Variants in DSCAM observed in about 807,000 individuals in gnomAD.
DSCAM encodes cell adhesion molecule DSCAM.
In DSCAM, 47 loss-of-function variants were observed where a neutral mutation model predicts 217.7. The observed-to-expected ratio is 0.22, with a 90% confidence interval of 0.17 to 0.28. The LOEUF (loss-of-function observed/expected upper bound fraction) is 0.28. Ranked by LOEUF, DSCAM falls within the 10% of genes least tolerant of loss-of-function variation. The pLI, the probability that DSCAM is intolerant of heterozygous loss-of-function variation, is 1.00. For synonymous variants in DSCAM, 1,056 were observed against 1,015.3 expected (o/e 1.04, Z -0.76); for missense variants, 2,080 against 2,618.3 (o/e 0.79, Z 4.49).
Position 40,453,145 on chromosome 21 carries a change from A to G in DSCAM, c.509-83900T>C, listed in dbSNP as rs531514833. ...TGCAAACACACATAAGTAATATCAC[A>G]CACTTATGTGAATTACTGCATAAAA... is the stretch of plus-strand genomic sequence containing the variant. On this transcript the variant is annotated intron_variant, in intron 3 of 32. Transcript: ENST00000400454. Among the ~76,000 whole-genome samples the G allele has an allele frequency of 3.6e-3, 549 of 152,022 alleles. 3 individuals carry two copies. Among genetic ancestry groups the G allele is most frequent in the Middle Eastern group, 0.01 (3 of 294 alleles).
chr21:40,650,556 A>C (rs938031703), intron 3 of DSCAM, among the ~76,000 whole-genome samples: 2 of 152,248 alleles, frequency 1.3e-5, no homozygotes, highest in African/African-American at 4.8e-5. Flanking sequence ...ATAGAACAGA[A>C]AGGCAGAAGA....
At chr21:40,323,465 T>C (rs181149461) in intron 8 of DSCAM, among the ~76,000 whole-genome samples, 208 of 152,202 alleles carry the variant, frequency 1.4e-3, no homozygotes, top group Non-Finnish European at 1.9e-3. Flanking sequence ...TACCCCTCTA[T>C]ACATGATGAA....
At chr21:40,682,585 AAG>A (rs1555880003) in intron 3 of DSCAM, among the ~76,000 whole-genome samples, 2 of 98,320 alleles carry the variant, frequency 2.0e-5, no homozygotes, top group African/African-American at 4.1e-5. Context: ...AGAAGAGAGA[AAG>A]AGAGAGAGAA....
intron 21 of DSCAM, 149 bp downstream of exon 21, chr21:40,093,572 T>G: frequency 6.3e-6 from 6 of 949,934 alleles, no homozygotes; most frequent in Non-Finnish European, 6.3e-6. Context: ...GCTCAGAGCT[T>G]GTTAGCCACA....
intron 3 of DSCAM, among the ~76,000 whole-genome samples, chr21:40,568,753 T>C (rs1302393576): frequency 1.3e-5 from 2 of 152,220 alleles, no homozygotes; most frequent in Non-Finnish European, 2.9e-5. Context: ...TTTTAATGTC[T>C]GCCCTATAAG....
At chr21:40,769,781 G>C (rs531091369) in intron 1 of DSCAM, among the ~76,000 whole-genome samples, 1 of 152,204 alleles carries the variant, frequency 6.6e-6, no homozygotes, top group South Asian at 2.1e-4. Flanking sequence ...CTAACTATCT[G>C]ATCAGGTTTC....
At chr21:40,642,987 T>C (rs577971467) in intron 3 of DSCAM, among the ~76,000 whole-genome samples, 11 of 152,316 alleles carry the variant, frequency 7.2e-5, no homozygotes, top group African/African-American at 2.6e-4. Flanking sequence ...GGCTCTGGGA[T>C]ACATAGGCTG....
chr21:40,795,504 G>A (rs1470003006), intron 1 of DSCAM, among the ~76,000 whole-genome samples: 1 of 152,050 alleles, frequency 6.6e-6, no homozygotes, highest in African/African-American at 2.4e-5. Context: ...GCACTGCCTG[G>A]CAATTAGATA....
intron 1 of DSCAM, among the ~76,000 whole-genome samples, chr21:40,809,942 G>A (rs937174030): frequency 3.3e-5 from 5 of 152,182 alleles, no homozygotes; most frequent in African/African-American, 1.2e-4. Context: ...CAGTCTTCAG[G>A]AGAAAAATAT....
chr21:40,519,049 T>C (rs1346625882), intron 3 of DSCAM, among the ~76,000 whole-genome samples: 1 of 152,184 alleles, frequency 6.6e-6, no homozygotes, highest in African/African-American at 2.4e-5. Flanking sequence ...TGCGGTATTA[T>C]AATCTTATGG....
At chr21:40,834,603 G>C (rs2092041927) in intron 1 of DSCAM, among the ~76,000 whole-genome samples, 1 of 151,800 alleles carries the variant, frequency 6.6e-6, no homozygotes, top group Non-Finnish European at 1.5e-5. Flanking sequence ...AGACCTTTAG[G>C]GAGACACTTC....
chr21:40,304,766 G>A (rs982384795), intron 9 of DSCAM, among the ~76,000 whole-genome samples: 1 of 152,200 alleles, frequency 6.6e-6, no homozygotes, highest in African/African-American at 2.4e-5. Context: ...AAATAGGGAA[G>A]CTGAGAAATG....
intron 19 of DSCAM, among the ~76,000 whole-genome samples, chr21:40,129,049 A>G (rs1414359103): frequency 5.3e-5 from 8 of 152,322 alleles, no homozygotes; most frequent in East Asian, 3.9e-4. Flanking sequence ...AAACACCCAC[A>G]CAGACACCGC....
chr21:40,155,806 G>C (rs1166035262), intron 16 of DSCAM, among the ~76,000 whole-genome samples: 2 of 152,074 alleles, frequency 1.3e-5, no homozygotes, highest in African/African-American at 4.8e-5. Context: ...CAAACCACTG[G>C]GTCTGCATGC....
In DSCAM at chr21:40,353,479, C is replaced by A. The variant is rs375728012; in HGVS notation, c.920G>T (p.Arg307Leu). ...NRYGTAKVIG[R>L]LYVKQPLKAT... is the part of the protein sequence containing the mutation. ...GTCCAACTTACGTTTCACGTACAGG[C>A]GGCCTATCACCTTAGCAGTTCCGTA... The change falls in exon 5 of 33, where the codon CGC becomes CTC. Residue 307 changes from arginine to leucine, a missense_variant. By Grantham distance (102) the Arg-to-Leu change is moderately radical. Transcript: ENST00000400454. 2 of 1,604,514 alleles carry A rather than the reference C, an allele frequency of 1.2e-6. No individual in the cohort carries two copies. The highest frequency in any genetic ancestry group is 1.8e-5 in the Admixed American group (1 of 57,098).
chr21:40,757,303 G>A (rs2091286501), intron 1 of DSCAM, among the ~76,000 whole-genome samples: 1 of 152,180 alleles, frequency 6.6e-6, no homozygotes, highest in African/African-American at 2.4e-5. Flanking sequence ...GGGATTACAG[G>A]CGTAAGCCAT....
intron 1 of DSCAM, among the ~76,000 whole-genome samples, chr21:40,787,638 C>T (rs1338994629): frequency 6.6e-6 from 1 of 152,132 alleles, no homozygotes; most frequent in Non-Finnish European, 1.5e-5. Flanking sequence ...AGAAGCAGTT[C>T]GGTGTAATAC....
At chr21:40,595,475 C>A (rs937656367) in intron 3 of DSCAM, among the ~76,000 whole-genome samples, 1 of 152,102 alleles carries the variant, frequency 6.6e-6, no homozygotes, top group Non-Finnish European at 1.5e-5. Flanking sequence ...TAGGGAAAGG[C>A]ACATACTGGG....
intron 2 of DSCAM, among the ~76,000 whole-genome samples, chr21:40,700,639 A>G (rs565726104): frequency 6.6e-6 from 1 of 152,028 alleles, no homozygotes; most frequent in East Asian, 1.9e-4. Context: ...TTGTTTATGT[A>G]TTAGGGTAAT....
Sources: gnomAD v4.1 joint callset for allele counts (sites outside exome capture counted in the v4.1 genomes callset) on GRCh38, gnomAD v4.1.1 for gene constraint, MANE v1.5 for transcripts, NCBI Gene and HGNC (gene_info 2026-07-23, HGNC 2026-07-21) for gene names.